Variants in GLIS1 observed in about 807,000 individuals in gnomAD.
The protein encoded by GLIS1 is GLIS family zinc finger 1, also known as zinc finger protein GLIS1.
GLIS1 carries 24 observed loss-of-function variants against 63.8 expected under a neutral mutation model. The observed-to-expected ratio is 0.38, with a 90% CI of 0.27 to 0.53. GLIS1 has a LOEUF of 0.53. Among genes scored for constraint, GLIS1 ranks in the 20% least tolerant of loss-of-function variants. The pLI, the probability that GLIS1 is intolerant of heterozygous loss-of-function variation, is 0.85. For synonymous variants in GLIS1, 450 were observed against 482.5 expected (o/e 0.93, Z 0.88); for missense variants, 1,036 against 1,074.1 (o/e 0.96, Z 0.50).
At chr1:53,727,232 GAAT>G (rs1646814087) in intron 2 of GLIS1, among the ~76,000 whole-genome samples, 1 of 152,226 alleles carries the variant, frequency 6.6e-6, no homozygotes, top group Non-Finnish European at 1.5e-5. Context: ...GGGCTTGAAT[GAAT>G]AATATGATTT....
rs1163315500 is a variant in GLIS1 at position 53,509,854 on chromosome 1, G to T, written c.2057C>A (p.Pro686Gln). ...GGCCCCTGGCCAGAGCTTACCTTGT[G>T]GGCTGGGCAGAGGCGGGGGTGGAGG... ...QSPPPPPLPS[P>Q]QGYQGSFHSI... Residue 686 changes from proline to glutamine, a missense_variant, in exon 9 of 11, where the codon CCA becomes CAA. Coordinates refer to ENST00000628545, the MANE Select transcript of GLIS1 (RefSeq NM_001367484.1). 7.7e-7 allele frequency: 1 copy of T among 1,305,800 alleles called. No individual in the cohort carries two copies. The highest frequency in any genetic ancestry group is 1.5e-5 in the African/African-American group (1 of 66,300). The allele number at this position is 1,305,800 out of a possible 1,614,324, so 80.9% of individuals were successfully genotyped here.
chr1:53,668,282 A>G (rs1646115883), intron 2 of GLIS1, among the ~76,000 whole-genome samples: 1 of 152,220 alleles, frequency 6.6e-6, no homozygotes, highest in Non-Finnish European at 1.5e-5. Context: ...GTAACATTTC[A>G]GTTGATGACA....
At chr1:53,728,678 T>C (rs764994887) in intron 2 of GLIS1, among the ~76,000 whole-genome samples, 3 of 152,232 alleles carry the variant, frequency 2.0e-5, no homozygotes, top group Admixed American at 6.5e-5. Flanking sequence ...TTTCCACTTG[T>C]TCCAAAAATG....
chr1:53,626,038 G>A (rs1403092939), intron 2 of GLIS1, among the ~76,000 whole-genome samples: 15 of 152,198 alleles, frequency 9.9e-5, no homozygotes, highest in Non-Finnish European at 1.9e-4. Context: ...TAGGGCTCAC[G>A]ACAATGGGTA....
intron 4 of GLIS1, among the ~76,000 whole-genome samples, chr1:53,544,808 G>A (rs923089283): frequency 6.6e-6 from 1 of 152,154 alleles, no homozygotes; most frequent in African/African-American, 2.4e-5. Flanking sequence ...CTGGGCTTTG[G>A]GGCAGGTCCT....
At chr1:53,513,882 G>A (rs1401280134) in intron 8 of GLIS1, among the ~76,000 whole-genome samples, 1 of 152,264 alleles carries the variant, frequency 6.6e-6, no homozygotes, top group African/African-American at 2.4e-5. Context: ...GCCAGGAGGA[G>A]GAAGGGCAGG....
At chr1:53,722,770 C>T (rs577599659) in intron 2 of GLIS1, among the ~76,000 whole-genome samples, 3 of 150,712 alleles carry the variant, frequency 2.0e-5, no homozygotes, top group Non-Finnish European at 4.4e-5. Flanking sequence ...GAGGTGGAGG[C>T]TACAGTGAGC....
chr1:53,521,630 C>A (rs1311839299), intron 6 of GLIS1, among the ~76,000 whole-genome samples: 2 of 152,160 alleles, frequency 1.3e-5, no homozygotes, highest in Admixed American at 1.3e-4. Context: ...TCCAGCTGGC[C>A]GAGCCCCATC....
At chr1:53,705,965 C>T (rs1570080105) in intron 2 of GLIS1, among the ~76,000 whole-genome samples, 1 of 152,186 alleles carries the variant, frequency 6.6e-6, no homozygotes, top group Admixed American at 6.5e-5. Context: ...CACCTCCCAC[C>T]GAAGCAGCCT....
chr1:53,700,946 G>A (rs992052501), intron 2 of GLIS1, among the ~76,000 whole-genome samples: 3 of 152,236 alleles, frequency 2.0e-5, no homozygotes, highest in African/African-American at 7.2e-5. Context: ...TAAGATGTCA[G>A]TACTTCATTA....
At position 53,738,078 on chromosome 1, in the gene GLIS1, G is replaced by A. The variant is rs1257588373; in HGVS notation, c.-14C>T. ...CTCGCAATGCATGGCGCCGGGGCGGGGCGCACGGCTGGGGGTCGCGCCGGG... is the reference window on the plus strand; with the variant it reads ...CTCGCAATGCATGGCGCCGGGGCGGAGCGCACGGCTGGGGGTCGCGCCGGG... On this transcript the variant is annotated 5_prime_UTR_variant, in exon 2 of 11. Transcript: ENST00000628545. 4.9e-6 allele frequency: 6 copies of A among 1,229,956 alleles called. No homozygotes were observed. The highest frequency in any genetic ancestry group is 5.1e-6 in the Non-Finnish European group (5 of 986,840). 76.2% of individuals were successfully genotyped at this position (1,229,956 alleles called of 1,614,324 possible). A position where few individuals can be genotyped will look rare whatever the true frequency, so the allele number is the denominator to read the frequency against.
At chr1:53,600,317 T>C (rs1645303535) in intron 2 of GLIS1, 39 bp from the exon 3 acceptor site, 1 of 1,216,176 alleles carries the variant, frequency 8.2e-7, no homozygotes, top group African/African-American at 1.6e-5. Flanking sequence ...ACACAGTGAG[T>C]GGGAACAGCC....
intron 2 of GLIS1, among the ~76,000 whole-genome samples, chr1:53,627,696 A>C (rs1405758169): frequency 6.6e-6 from 1 of 152,234 alleles, no homozygotes; most frequent in Non-Finnish European, 1.5e-5. Context: ...AGCAGAATGC[A>C]GGGCCAATGT....
intron 4 of GLIS1, among the ~76,000 whole-genome samples, chr1:53,575,537 C>T (rs970442592): frequency 2.6e-5 from 4 of 152,202 alleles, no homozygotes; most frequent in Admixed American, 6.5e-5. Context: ...TCCAAGTCCC[C>T]TCCTCTGAGC....
chr1:53,705,085 G>C (rs2100504918), intron 2 of GLIS1, among the ~76,000 whole-genome samples: 1 of 152,264 alleles, frequency 6.6e-6, no homozygotes, highest in South Asian at 2.1e-4. Flanking sequence ...TGCTTTTCAG[G>C]GCTTTTCCTA....
chr1:53,692,131 C>A (rs1219505493), intron 2 of GLIS1, among the ~76,000 whole-genome samples: 1 of 152,198 alleles, frequency 6.6e-6, no homozygotes, highest in South Asian at 2.1e-4. Flanking sequence ...TTTTCCTTCT[C>A]ATCCAACCTC....
At chr1:53,519,131 C>A (rs540717483) in intron 7 of GLIS1, among the ~76,000 whole-genome samples, 2 of 152,210 alleles carry the variant, frequency 1.3e-5, no homozygotes, top group African/African-American at 2.4e-5. Flanking sequence ...ACTTGAGATA[C>A]CTTCGTCCCT....
rs564011834 is a variant in GLIS1, at chr1:53,560,978, T to C, written c.1321-31026A>G. Among the ~76,000 whole-genome samples, 1 of 152,238 alleles carries C rather than the reference T, an allele frequency of 6.6e-6. No homozygotes were observed. Among genetic ancestry groups the C allele is most frequent in the South Asian group, 2.1e-4 (1 of 4,830 alleles). ...CACTGGATGTCCGCTCCCTTCAGGA[T>C]CTCCAATGTGCGCTCCGGGACCAAG... On this transcript the variant is annotated intron_variant, in intron 4 of 10. Transcript: ENST00000628545. The surrounding 1 kb of genome is among the most constrained non-coding windows in gnomAD (Gnocchi z 4.4).
At chr1:53,662,584 A>AT (rs1400574557) in intron 2 of GLIS1, among the ~76,000 whole-genome samples, 5 of 152,142 alleles carry the variant, frequency 3.3e-5, no homozygotes, top group Non-Finnish European at 5.9e-5. Flanking sequence ...GTGGGCCGTC[A>AT]GCCTCCTGGT....
Sources: gnomAD v4.1 joint callset for allele counts (sites outside exome capture counted in the v4.1 genomes callset) on GRCh38, gnomAD v4.1.1 for gene constraint, Gnocchi (gnomAD v3.1) non-coding constraint, MANE v1.5 for transcripts, NCBI Gene and HGNC (gene_info 2026-07-23, HGNC 2026-07-21) for gene names.